NRXN3: variants seen among roughly 807,000 people sequenced by gnomAD.
The protein encoded by NRXN3 is neurexin 3, also known as neurexin III.
Under a neutral mutation model 137.6 loss-of-function variants are expected in NRXN3, and 32 were observed. The observed-to-expected ratio is 0.23, with a 90% CI of 0.18 to 0.31. NRXN3 has a LOEUF of 0.31. Ranked by LOEUF, NRXN3 falls within the 10% of genes least tolerant of loss-of-function variation. NRXN3 has a pLI of 1.00. For missense variants in NRXN3, 1,574 were observed against 2,062.5 expected, an observed-to-expected ratio of 0.76 and a Z score of 4.59; for synonymous variants, 798 against 784.5, an observed-to-expected ratio of 1.02 and a Z score of -0.29.
At chr14:78,703,533 G>T (rs1439646498) in intron 6 of NRXN3, 1 of 152,176 alleles carries the variant, frequency 6.6e-6, no homozygotes, top group Non-Finnish European at 1.5e-5. Context: ...ATTATCTATT[G>T]TCAAAGGATT....
intron 19 of NRXN3, among the ~76,000 whole-genome samples, chr14:79,712,825 C>T (rs1028802258): frequency 8.5e-5 from 13 of 152,190 alleles, no homozygotes; most frequent in Admixed American, 2.0e-4. Flanking sequence ...TATCATCCTG[C>T]GTCTTCCTTG....
At chr14:79,615,931 A>C (rs2098150104) in intron 16 of NRXN3, among the ~76,000 whole-genome samples, 1 of 152,146 alleles carries the variant, frequency 6.6e-6, no homozygotes, top group Non-Finnish European at 1.5e-5. Flanking sequence ...TCCCATCTTA[A>C]GAATGAGGAA....
chr14:78,662,575 G>A (rs892931904), intron 6 of NRXN3, among the ~76,000 whole-genome samples: 4 of 152,094 alleles, frequency 2.6e-5, no homozygotes, highest in Non-Finnish European at 4.4e-5. Context: ...TGAGGTTATC[G>A]AGGGGATTCT....
intron 15 of NRXN3, among the ~76,000 whole-genome samples, chr14:79,191,594 TG>T: frequency 6.6e-6 from 1 of 152,310 alleles, no homozygotes; most frequent in Admixed American, 6.5e-5. Flanking sequence ...ATAGCATAGA[TG>T]GGTAAATATA....
chr14:79,506,765 C>T (rs1363878551), intron 16 of NRXN3, among the ~76,000 whole-genome samples: 1 of 152,096 alleles, frequency 6.6e-6, no homozygotes, highest in Non-Finnish European at 1.5e-5. Context: ...GGAAAGAAAT[C>T]TAAAAGAAAG....
intron 15 of NRXN3, among the ~76,000 whole-genome samples, chr14:79,356,964 G>C (rs1182883795): frequency 1.3e-5 from 2 of 152,130 alleles, no homozygotes; most frequent in African/African-American, 4.8e-5. Context: ...CTCACCTCAA[G>C]TGATCTGCCC....
chr14:78,724,020 T>A (rs1427531688), intron 8 of NRXN3, among the ~76,000 whole-genome samples: 1 of 152,254 alleles, frequency 6.6e-6, no homozygotes, highest in Non-Finnish European at 1.5e-5. Context: ...ACTGTAGTGA[T>A]CTCAACCAAG....
chr14:79,594,609 T>C (rs1157095785), intron 16 of NRXN3, among the ~76,000 whole-genome samples: 1 of 152,154 alleles, frequency 6.6e-6, no homozygotes, highest in Non-Finnish European at 1.5e-5. Flanking sequence ...CAACTAATAT[T>C]ATGAACATCA....
chr14:78,541,136 T>C (rs868159156), intron 4 of NRXN3, among the ~76,000 whole-genome samples: 36 of 152,296 alleles, frequency 2.4e-4, no homozygotes, highest in Admixed American at 9.8e-4. Flanking sequence ...TGATGTTGTC[T>C]ATATTTCCTG....
At chr14:78,571,777 A>G (rs1213749276) in intron 4 of NRXN3, among the ~76,000 whole-genome samples, 1 of 152,194 alleles carries the variant, frequency 6.6e-6, no homozygotes, top group East Asian at 1.9e-4. Flanking sequence ...GACCCATGTG[A>G]TGAGTCTGTG....
At chr14:79,405,865 C>T (rs1020357150) in intron 15 of NRXN3, among the ~76,000 whole-genome samples, 4 of 152,122 alleles carry the variant, frequency 2.6e-5, no homozygotes, top group Non-Finnish European at 5.9e-5. Context: ...GACCTTAGTA[C>T]TCAGTCTGGA....
intron 20 of NRXN3, among the ~76,000 whole-genome samples, chr14:79,808,062 C>T (rs1285309340): frequency 6.6e-6 from 1 of 151,672 alleles, no homozygotes; most frequent in Non-Finnish European, 1.5e-5. Flanking sequence ...GAGGGTGAAA[C>T]CCCGTCTCTA....
intron 10 of NRXN3, among the ~76,000 whole-genome samples, chr14:78,871,842 G>A (rs545528012): frequency 6.6e-6 from 1 of 152,100 alleles, no homozygotes; most frequent in Admixed American, 6.6e-5. Flanking sequence ...TTTACCTGTT[G>A]TCCTTTGGCT....
chr14:79,505,151 G>A (rs2096865162), intron 16 of NRXN3, among the ~76,000 whole-genome samples: 1 of 150,470 alleles, frequency 6.6e-6, no homozygotes, highest in African/African-American at 2.4e-5. Flanking sequence ...GGAGGTGAAG[G>A]TTGCAGTGAG....
At chr14:78,713,391 T>G (rs1198786312) in intron 7 of NRXN3, among the ~76,000 whole-genome samples, 1 of 152,154 alleles carries the variant, frequency 6.6e-6, no homozygotes, top group East Asian at 1.9e-4. Flanking sequence ...CTCCTGGACT[T>G]TGCATGGCTG....
intron 19 of NRXN3, among the ~76,000 whole-genome samples, chr14:79,751,340 C>A (rs1210464604): frequency 4.6e-5 from 7 of 152,140 alleles, no homozygotes; most frequent in Admixed American, 1.3e-4. Context: ...GCAATTGTGA[C>A]TGGGAGTTCA....
chr14:78,177,627 A>T (rs772994772), intron 1 of NRXN3, among the ~76,000 whole-genome samples: 3 of 152,116 alleles, frequency 2.0e-5, no homozygotes, highest in Non-Finnish European at 4.4e-5. Context: ...TTAAGACGAC[A>T]TCACACACTT....
chr14:78,515,312 T>G (rs371394859), intron 4 of NRXN3, among the ~76,000 whole-genome samples: 1 of 152,132 alleles, frequency 6.6e-6, no homozygotes, highest in Non-Finnish European at 1.5e-5. Context: ...GTCCCTATGC[T>G]CTTTACATAG....
chr14:78,191,444 G>A (rs1484071979), intron 1 of NRXN3, among the ~76,000 whole-genome samples: 3 of 152,298 alleles, frequency 2.0e-5, no homozygotes, highest in East Asian at 3.9e-4. Context: ...CAGTCAGAAC[G>A]GAGGGACAGA....
Sources: gnomAD v4.1 joint callset for allele counts (sites outside exome capture counted in the v4.1 genomes callset) on GRCh38, gnomAD v4.1.1 for gene constraint, MANE v1.5 for transcripts, NCBI Gene and HGNC (gene_info 2026-07-23, HGNC 2026-07-21) for gene names.